The following GTPBP10 variants were observed in gnomAD, a reference collection of about 807,000 sequenced individuals.
GTPBP10 encodes GTP-binding protein 10.
Under a neutral mutation model 44.8 loss-of-function variants are expected in GTPBP10, and 38 were observed. The observed-to-expected ratio is 0.85, with a 90% CI of 0.65 to 1.11. GTPBP10 has a LOEUF of 1.11. Among genes scored for constraint, GTPBP10 ranks in the 50% most tolerant of loss-of-function variants. GTPBP10 has a pLI of 0.00. For synonymous variants in GTPBP10, 152 were observed against 150.6 expected (o/e 1.01, Z -0.07); for missense variants, 462 against 453.7 (o/e 1.02, Z -0.17).
At chr7:90,366,751 G>A (rs999033241) in intron 4 of GTPBP10, among the ~76,000 whole-genome samples, 2 of 147,918 alleles carry the variant, frequency 1.4e-5, no homozygotes, top group African/African-American at 4.9e-5. Context: ...TGGATTCATT[G>A]ATTTTTTTGA....
intron 4 of GTPBP10, among the ~76,000 whole-genome samples, chr7:90,359,196 G>A (rs1216095661): frequency 6.6e-6 from 1 of 151,520 alleles, no homozygotes; most frequent in Non-Finnish European, 1.5e-5. Flanking sequence ...TGCACAACAT[G>A]CAGCTTTCTT....
intron 4 of GTPBP10, among the ~76,000 whole-genome samples, chr7:90,368,541 C>A (rs1796183113): frequency 6.6e-6 from 1 of 152,052 alleles, no homozygotes; most frequent in South Asian, 2.1e-4. Context: ...TTAATTTAAT[C>A]TTCAATCACT....
chr7:90,346,756 T>A lies in GTPBP10; in HGVS notation c.15T>A (p.Ser5Arg), dbSNP rs1477043962. The change falls in exon 1 of 10, where the codon AGT (serine) becomes AGA (arginine). Residue 5 changes from serine to arginine, a missense_variant. Physicochemically the swap from Ser to Arg is moderately radical, Grantham distance 110. Transcript: ENST00000222511. ...CTGTTGCAGCCATGGTGCATTGCAG[T>A]TGCGTGTTGTTCAGAAAGGTCCGTG... MVHC[S>R]CVLFRKYGNF... The A allele has an allele frequency of 1.2e-6, 2 of 1,614,116 alleles. No individual in the cohort carries two copies. Among genetic ancestry groups the A allele is most frequent in the African/African-American group, 1.3e-5 (1 of 74,948 alleles).
At position 90,383,066 on chromosome 7, in the gene GTPBP10, C is replaced by T. The variant is rs576133316; in HGVS notation, c.888C>T (p.Leu296=). The T allele has an allele frequency of 3.2e-6, 5 of 1,572,034 alleles. No individual in the cohort carries two copies. The African/African-American group carries it at 5.4e-5, about 17-fold the overall frequency. The part of the protein sequence containing the change: ...QDKFHELMSQ[L]QNPKDFLHLF... Reference sequence around the variant, plus strand: ...AGTTCCATGAATTGATGAGCCAGCTCCAGAATCCTAAAGGTAAACCTATTT... The same window carrying T: ...AGTTCCATGAATTGATGAGCCAGCTTCAGAATCCTAAAGGTAAACCTATTT... The change falls in exon 9 of 10, where the codon CTC becomes CTT. Residue 296 remains leucine, a synonymous_variant. Transcript: ENST00000222511.
intron 4 of GTPBP10, among the ~76,000 whole-genome samples, chr7:90,371,459 C>T (rs556163132): frequency 7.2e-4 from 110 of 151,990 alleles, no homozygotes; most frequent in Non-Finnish European, 1.5e-3. Context: ...TTTTTGCAGA[C>T]AATAGAGGGA....
In GTPBP10 at chr7:90,352,964, G is replaced by A. The variant is rs745395522; in HGVS notation, c.182G>A (p.Arg61Lys). The A allele has an allele frequency of 1.2e-6, 2 of 1,612,256 alleles. No individual in the cohort carries two copies. The highest frequency in any genetic ancestry group is 1.1e-5 in the South Asian group (1 of 90,770). The change falls in exon 2 of 10, where the codon AGG (arginine) becomes AAG (lysine). Residue 61 changes from arginine to lysine, a missense_variant. By Grantham distance (26) the Arg-to-Lys change is conservative. Transcript: ENST00000222511. ...NRMTLKQLKD[R>K]YPRKRFVAGV... ...ATGACTTTAAAACAACTTAAAGACAGGTATCCTCGGAAACGGTTTGTGGCT... is the reference window on the plus strand; with the variant it reads ...ATGACTTTAAAACAACTTAAAGACAAGTATCCTCGGAAACGGTTTGTGGCT...
intron 4 of GTPBP10, among the ~76,000 whole-genome samples, chr7:90,370,969 G>A (rs1414030184): frequency 1.3e-5 from 2 of 151,488 alleles, no homozygotes; most frequent in Non-Finnish European, 1.5e-5. Context: ...TCACGCCACT[G>A]CACTCCAGCC....
chr7:90,365,452 T>C (rs56016424), intron 4 of GTPBP10, among the ~76,000 whole-genome samples: 10,218 of 140,484 alleles, frequency 0.073, 943 homozygotes, highest in East Asian at 0.21. Flanking sequence ...CTCGGCTCAC[T>C]GCAAGCTCCG....
chr7:90,372,274 T>C (rs986226518), intron 5 of GTPBP10, 46 bp downstream of exon 5: 1 of 1,198,204 alleles, frequency 8.3e-7, no homozygotes, highest in Non-Finnish European at 1.2e-6. Flanking sequence ...AGGTAAACTT[T>C]TAAAGACTAA....
chr7:90,386,509 T>C lies in GTPBP10; in HGVS notation c.*1355T>C, dbSNP rs1275041405. The C allele has an allele frequency of 6.6e-6, 1 of 152,180 alleles. No individual in the cohort carries two copies. The highest frequency in any genetic ancestry group is 1.5e-5 in the Non-Finnish European group (1 of 68,020). The allele number at this position is 152,180 out of a possible 1,614,324, so 9.4% of individuals were successfully genotyped here. A position where few individuals can be genotyped will look rare whatever the true frequency, so the allele number is the denominator to read the frequency against. On this transcript the variant is annotated 3_prime_UTR_variant, in exon 10 of 10. Coordinates refer to ENST00000222511, the MANE Select transcript of GTPBP10 (RefSeq NM_033107.4). ...TGTCATAATCTATTTAATTTCCCAC[T>C]TTCTTATTTTAGTAAAGAGAGAATA...
At position 90,377,625 on chromosome 7, in the gene GTPBP10, T is replaced by C; in HGVS notation, c.699+11T>C. ...CAACTACTTTTTGTTGTAAGTCATA[T>C]GTATACTAATGTGATATTCAAATAA... On this transcript the variant is annotated intron_variant, in intron 7 of 9. Coordinates refer to ENST00000222511, the MANE Select transcript of GTPBP10 (RefSeq NM_033107.4). 1.4e-6 allele frequency: 2 copies of C among 1,447,328 alleles called. No individual in the cohort carries two copies. 89.7% of individuals were successfully genotyped at this position (1,447,328 alleles called of 1,614,324 possible).
intron 4 of GTPBP10, among the ~76,000 whole-genome samples, chr7:90,366,102 C>G (rs566151786): frequency 6.6e-6 from 1 of 152,244 alleles, no homozygotes; most frequent in South Asian, 2.1e-4. Flanking sequence ...CCTTGCATCC[C>G]AAGGATGAAG....
rs571018014 is a variant in GTPBP10, at chr7:90,375,964, C to T, written c.592-1543C>T. Among the ~76,000 whole-genome samples the T allele has an allele frequency of 3.0e-4, 46 of 151,822 alleles. No homozygotes were observed. The East Asian group carries it at 8.8e-3, about 29-fold the overall frequency. On this transcript the variant is annotated intron_variant, in intron 6 of 9. Coordinates refer to ENST00000222511, the MANE Select transcript of GTPBP10 (RefSeq NM_033107.4). ...ACAAGTGGCCGGGTGTGGTGGCTTACACCTGTAATCCCAGCACTTTGGGAG... is the reference window on the plus strand; with the variant it reads ...ACAAGTGGCCGGGTGTGGTGGCTTATACCTGTAATCCCAGCACTTTGGGAG...
intron 4 of GTPBP10, among the ~76,000 whole-genome samples, chr7:90,358,381 A>G (rs1409770278): frequency 6.6e-6 from 1 of 152,182 alleles, no homozygotes; most frequent in Non-Finnish European, 1.5e-5. Flanking sequence ...TTACAAGGTT[A>G]TAGTAACCAA....
intron 4 of GTPBP10, chr7:90,371,385 T>A (rs1039993390): frequency 1.9e-5 from 3 of 154,698 alleles, no homozygotes; most frequent in Non-Finnish European, 2.8e-5. Context: ...TAAAGTAGTT[T>A]TCCCCTACTT....
intron 4 of GTPBP10, among the ~76,000 whole-genome samples, chr7:90,365,368 CTTTTTTTTTTTTTTT>C (rs59645149): frequency 3.3e-5 from 3 of 90,366 alleles, no homozygotes; most frequent in African/African-American, 4.5e-5. Context: ...TTGGGGTTTT[CTTTTTTTTTTTTTTT>C]TTTTTTTTTT....
Position 90,390,962 on chromosome 7 carries a change from CT to C in GTPBP10, c.*5810del, listed in dbSNP as rs1294498668. On this transcript the variant is annotated 3_prime_UTR_variant, in exon 10 of 10. Transcript: ENST00000222511. The stretch of plus-strand genomic sequence containing the variant: ...ATCAAGGGCAGACATTGAGTAAAAG[CT>C]TATGACTTTGGATGGATTTGAAACA... 1.3e-5 allele frequency: 2 copies of C among 152,028 alleles called. No homozygotes were observed. Among genetic ancestry groups the C allele is most frequent in the Admixed American group, 1.3e-4 (2 of 15,258 alleles). The allele number at this position is 152,028 out of a possible 1,614,324, so 9.4% of individuals were successfully genotyped here.
At chr7:90,361,859 G>A (rs1796028476) in intron 4 of GTPBP10, among the ~76,000 whole-genome samples, 1 of 152,178 alleles carries the variant, frequency 6.6e-6, no homozygotes, top group South Asian at 2.1e-4. Context: ...TTAGTCTTGG[G>A]AGGGTATATG....
chr7:90,354,559 C>T lies in GTPBP10; in HGVS notation c.319+10C>T, dbSNP rs1443864019. On this transcript the variant is annotated intron_variant, in intron 3 of 9. Transcript: ENST00000222511. ...AATGGTAAAATTATAGGTGAGTGTA[C>T]TATAACTCCAAAAGTTGTAAAAATG... 7.9e-6 allele frequency: 11 copies of T among 1,397,954 alleles called. No individual in the cohort carries two copies. The highest frequency in any genetic ancestry group is 8.9e-6 in the Non-Finnish European group (9 of 1,012,428). 86.6% of individuals were successfully genotyped at this position (1,397,954 alleles called of 1,614,324 possible).
Sources: gnomAD v4.1 joint callset for allele counts (sites outside exome capture counted in the v4.1 genomes callset) on GRCh38, gnomAD v4.1.1 for gene constraint, MANE v1.5 for transcripts, NCBI Gene and HGNC (gene_info 2026-07-23, HGNC 2026-07-21) for gene names.